Variants in GSTCD observed in about 807,000 individuals in gnomAD.
GSTCD encodes the protein glutathione S-transferase C-terminal domain-containing protein.
GSTCD carries 44 observed loss-of-function variants against 68.3 expected under a neutral mutation model. The observed-to-expected ratio is 0.64, with a 90% CI of 0.51 to 0.83. The LOEUF is 0.83. Among genes scored for constraint, GSTCD ranks in the 40% least tolerant of loss-of-function variants. The pLI is 0.00. For synonymous variants in GSTCD, 273 were observed against 255.2 expected, an observed-to-expected ratio of 1.07 and a Z score of -0.67; for missense variants, 739 against 735.9, an observed-to-expected ratio of 1.00 and a Z score of -0.05.
intron 5 of GSTCD, among the ~76,000 whole-genome samples, chr4:105,753,724 A>C (rs575705027): frequency 6.6e-6 from 1 of 152,216 alleles, no homozygotes; most frequent in African/African-American, 2.4e-5. Flanking sequence ...ACTGATACTA[A>C]GGGATGACTG....
intron 5 of GSTCD, among the ~76,000 whole-genome samples, chr4:105,811,916 A>T (rs1424941711): frequency 6.6e-6 from 1 of 152,208 alleles, no homozygotes; most frequent in Admixed American, 6.5e-5. Flanking sequence ...ATTAACAAAT[A>T]GAATATCAGG....
intron 5 of GSTCD, among the ~76,000 whole-genome samples, chr4:105,822,186 G>A (rs960192630): frequency 6.6e-6 from 1 of 151,914 alleles, no homozygotes; most frequent in African/African-American, 2.4e-5. Context: ...TATTTTTATG[G>A]ATTTGACTAG....
chr4:105,730,010 G>A (rs1311546034), intron 5 of GSTCD, among the ~76,000 whole-genome samples: 1 of 151,596 alleles, frequency 6.6e-6, no homozygotes. Flanking sequence ...TTTTCTCCTT[G>A]CGATACTTTA....
intron 5 of GSTCD, among the ~76,000 whole-genome samples, chr4:105,801,359 A>G (rs1481826573): frequency 6.6e-6 from 1 of 152,140 alleles, no homozygotes. Context: ...ACAAATATAG[A>G]ATCTGCAAAT....
intron 1 of GSTCD, among the ~76,000 whole-genome samples, chr4:105,711,710 TA>T (rs1006189115): frequency 2.6e-5 from 4 of 152,244 alleles, no homozygotes; most frequent in Non-Finnish European, 5.9e-5. Context: ...AAAAGTTTTT[TA>T]TAGCTACTAA....
rs1325142727 is a variant in GSTCD at position 105,718,016 on chromosome 4, A to G, written c.403A>G (p.Thr135Ala). 6.2e-7 allele frequency: 1 copy of G among 1,607,254 alleles called. No individual in the cohort carries two copies. The highest frequency in any genetic ancestry group is 2.2e-5 in the East Asian group (1 of 44,852). Reference protein sequence around the residue: ...ELLELLGFKKTCLKACAEVSQ... With the variant: ...ELLELLGFKKACLKACAEVSQ... ...TTTGGAACTTCTGGGCTTTAAAAAG[A>G]CTTGCTTGAAAGCCTGTGCTGAAGT... Residue 135 changes from threonine to alanine, a missense_variant, in exon 2 of 12, where the codon ACT becomes GCT. Physicochemically the swap from Thr to Ala is moderately conservative, Grantham distance 58. Transcript: ENST00000515279.
chr4:105,755,468 C>A (rs934123033), intron 5 of GSTCD, among the ~76,000 whole-genome samples: 1 of 152,012 alleles, frequency 6.6e-6, no homozygotes, highest in African/African-American at 2.4e-5. Context: ...GAGGAAAAAC[C>A]AAAGTGTTTT....
chr4:105,724,887 T>G (rs536589314), intron 3 of GSTCD, among the ~76,000 whole-genome samples: 1 of 152,114 alleles, frequency 6.6e-6, no homozygotes, highest in Non-Finnish European at 1.5e-5. Context: ...TGATATAATG[T>G]TGTCCAATTA....
intron 5 of GSTCD, among the ~76,000 whole-genome samples, chr4:105,808,643 A>C (rs978232056): frequency 6.6e-6 from 1 of 152,148 alleles, no homozygotes; most frequent in African/African-American, 2.4e-5. Context: ...GCGGTCTGGA[A>C]TTCACTAACT....
intron 3 of GSTCD, among the ~76,000 whole-genome samples, chr4:105,722,179 C>A (rs183567693): frequency 4.0e-5 from 6 of 151,110 alleles, no homozygotes; most frequent in African/African-American, 1.5e-4. Flanking sequence ...TACACACATA[C>A]ACACACACAC....
chr4:105,765,081 G>GA (rs1438687616), intron 5 of GSTCD, among the ~76,000 whole-genome samples: 1 of 151,860 alleles, frequency 6.6e-6, no homozygotes, highest in Admixed American at 6.6e-5. Context: ...CTGTATAACA[G>GA]AAAAAAGAGT....
chr4:105,730,200 C>T (rs1251368421), intron 5 of GSTCD, among the ~76,000 whole-genome samples: 2 of 152,192 alleles, frequency 1.3e-5, no homozygotes, highest in Admixed American at 1.3e-4. Flanking sequence ...CCGCAATGAA[C>T]ATACATGTGC....
At chr4:105,737,654 G>C (rs1377476724) in intron 5 of GSTCD, among the ~76,000 whole-genome samples, 2 of 152,114 alleles carry the variant, frequency 1.3e-5, no homozygotes, top group Non-Finnish European at 2.9e-5. Context: ...GTGGATTTTG[G>C]TGTATGATGA....
intron 5 of GSTCD, among the ~76,000 whole-genome samples, chr4:105,733,163 T>C (rs1733316431): frequency 6.6e-6 from 1 of 152,236 alleles, no homozygotes; most frequent in African/African-American, 2.4e-5. Flanking sequence ...ATGTATATTC[T>C]GTTGATTTGG....
At chr4:105,836,216 C>T (rs546806727) in intron 9 of GSTCD, among the ~76,000 whole-genome samples, 1 of 152,186 alleles carries the variant, frequency 6.6e-6, no homozygotes. Flanking sequence ...AGAAGAGATA[C>T]AGAGTGGGTA....
In GSTCD at chr4:105,719,216, C is replaced by A; in HGVS notation, c.583C>A (p.Leu195Ile). 1 of 1,614,048 alleles carries A rather than the reference C, an allele frequency of 6.2e-7. No homozygotes were observed. Among genetic ancestry groups the A allele is most frequent in the Non-Finnish European group, 8.5e-7 (1 of 1,179,988 alleles). Residue 195 changes from leucine (L) to isoleucine (I), a missense_variant, in exon 3 of 12, where the codon CTC becomes ATC. Physicochemically the swap from Leu to Ile is conservative, Grantham distance 5 (BLOSUM62 2). Coordinates refer to ENST00000515279, the MANE Select transcript of GSTCD (RefSeq NM_001370181.1). Reference sequence around the variant, plus strand: ...TGTTAGAGTGCATAATGATGATAAACTCCGCAGGCAGAAGCTCAAGCAACA... The same window carrying A: ...TGTTAGAGTGCATAATGATGATAAAATCCGCAGGCAGAAGCTCAAGCAACA... ...EPVRVHNDDK[L>I]RRQKLKQQKA...
intron 5 of GSTCD, among the ~76,000 whole-genome samples, chr4:105,775,858 T>A (rs1159052859): frequency 6.6e-6 from 1 of 152,212 alleles, no homozygotes; most frequent in Non-Finnish European, 1.5e-5. Context: ...AGTCTGTCCC[T>A]CAGCAGAGCT....
At position 105,720,084 on chromosome 4, in the gene GSTCD, A is replaced by C. The variant is rs548909778; in HGVS notation, c.894+557A>C. Among the ~76,000 whole-genome samples the C allele has an allele frequency of 3.2e-4, 48 of 152,286 alleles. No homozygotes were observed. In the East Asian group the frequency reaches 9.1e-3, roughly 29 times the overall value. The stretch of plus-strand genomic sequence containing the variant: ...CTTTTCTCTGTTCTCTCTGAGAGTA[A>C]AGTAGCTGGCTCTGTTATTATGTGC... On this transcript the variant is annotated intron_variant, in intron 3 of 11. Coordinates refer to ENST00000515279, the MANE Select transcript of GSTCD (RefSeq NM_001370181.1).
At chr4:105,730,980 A>G (rs145699169) in intron 5 of GSTCD, among the ~76,000 whole-genome samples, 6,797 of 152,290 alleles carry the variant, frequency 0.045, 210 homozygotes, top group Middle Eastern at 0.13. Context: ...TTTTCCCAGC[A>G]TCATTTATTA....
Sources: gnomAD v4.1 joint callset for allele counts (sites outside exome capture counted in the v4.1 genomes callset) on GRCh38, gnomAD v4.1.1 for gene constraint, MANE v1.5 for transcripts, NCBI Gene and HGNC (gene_info 2026-07-23, HGNC 2026-07-21) for gene names.